The following METTL15 variants were observed in gnomAD, a reference collection of about 807,000 sequenced individuals.
METTL15 encodes 12S rRNA N(4)-cytidine methyltransferase METTL15.
In METTL15, 34 loss-of-function variants were observed where a neutral mutation model predicts 38.3. The ratio of observed to expected loss-of-function variants is 0.89; its 90% CI spans 0.68 to 1.18. The LOEUF (loss-of-function observed/expected upper bound fraction) is 1.18. METTL15 is among the 50% of genes most tolerant of loss of function. The pLI is 0.00. For missense variants in METTL15, 438 were observed against 498.4 expected (o/e 0.88, Z 1.15); for synonymous variants, 162 against 170.9 (o/e 0.95, Z 0.41).
At chr11:28,175,916 T>C (rs879764799) in intron 3 of METTL15, among the ~76,000 whole-genome samples, 4 of 151,928 alleles carry the variant, frequency 2.6e-5, no homozygotes, top group Non-Finnish European at 4.4e-5. Context: ...TGCAAATATA[T>C]ATATATATAT....
At chr11:28,493,054 G>C (rs575444274) in intron 6 of METTL15, among the ~76,000 whole-genome samples, 1 of 152,252 alleles carries the variant, frequency 6.6e-6, no homozygotes, top group South Asian at 2.1e-4. Context: ...AGAGGAATTT[G>C]TTTGAAAATC....
intron 6 of METTL15, among the ~76,000 whole-genome samples, chr11:28,498,043 G>T (rs984243329): frequency 1.5e-5 from 1 of 64,758 alleles, no homozygotes; most frequent in African/African-American, 6.3e-5. Flanking sequence ...AACAGAGAGA[G>T]ACTGTTTCAA....
chr11:28,503,493 A>G (rs1324338805), intron 6 of METTL15, among the ~76,000 whole-genome samples: 2 of 152,208 alleles, frequency 1.3e-5, no homozygotes, highest in African/African-American at 4.8e-5. Flanking sequence ...GCTAGCAGAT[A>G]GTAAAGATTC....
intron 4 of METTL15, among the ~76,000 whole-genome samples, chr11:28,280,021 C>T (rs1292504695): frequency 6.6e-6 from 1 of 151,526 alleles, no homozygotes; most frequent in African/African-American, 2.4e-5. Context: ...TAATTCTATT[C>T]TTTCCTTTTG....
chr11:28,190,508 A>G (rs1176297534), intron 3 of METTL15, among the ~76,000 whole-genome samples: 1 of 151,148 alleles, frequency 6.6e-6, no homozygotes, highest in Non-Finnish European at 1.5e-5. Flanking sequence ...TTATTTTAGA[A>G]TTATTTTAGA....
chr11:28,246,199 C>T (rs1590213849), intron 4 of METTL15, among the ~76,000 whole-genome samples: 1 of 151,778 alleles, frequency 6.6e-6, no homozygotes, highest in Admixed American at 6.6e-5. Context: ...TTTGAATGTT[C>T]CTAGCATAAA....
chr11:28,531,078 G>T (rs1043841404), downstream of METTL15, among the ~76,000 whole-genome samples: 3 of 151,778 alleles, frequency 2.0e-5, no homozygotes, highest in Non-Finnish European at 4.4e-5. Context: ...AACTGCATTT[G>T]TACTTTTCAT....
chr11:28,474,402 A>G (rs1851327987), intron 6 of METTL15, among the ~76,000 whole-genome samples: 1 of 152,136 alleles, frequency 6.6e-6, no homozygotes, highest in Admixed American at 6.5e-5. Context: ...TTGTTGAAAA[A>G]TATGAGCAAG....
At chr11:28,275,500 AT>A (rs1158803452) in intron 4 of METTL15, among the ~76,000 whole-genome samples, 1 of 151,982 alleles carries the variant, frequency 6.6e-6, no homozygotes, top group Admixed American at 6.6e-5. Context: ...GACTATATGG[AT>A]TCATAGCTGA....
At chr11:28,399,872 T>C (rs968690734) in intron 5 of METTL15, among the ~76,000 whole-genome samples, 1 of 151,940 alleles carries the variant, frequency 6.6e-6, no homozygotes, top group African/African-American at 2.4e-5. Flanking sequence ...TGGGTTAACA[T>C]AATCAGGGAG....
intron 6 of METTL15, among the ~76,000 whole-genome samples, chr11:28,499,585 G>A (rs1177456128): frequency 6.6e-6 from 1 of 152,084 alleles, no homozygotes; most frequent in Non-Finnish European, 1.5e-5. Context: ...TTGAAATTTG[G>A]TAACTCAATC....
At chr11:28,123,051 A>G (rs1852319416) in intron 3 of METTL15, among the ~76,000 whole-genome samples, 1 of 152,198 alleles carries the variant, frequency 6.6e-6, no homozygotes, top group African/African-American at 2.4e-5. Flanking sequence ...CAAATTTTAA[A>G]TTTGCTTAAG....
chr11:28,381,442 T>C (rs1437215967), intron 5 of METTL15, among the ~76,000 whole-genome samples: 1 of 152,200 alleles, frequency 6.6e-6, no homozygotes, highest in Non-Finnish European at 1.5e-5. Flanking sequence ...TTTGAATAAG[T>C]TTCTATTACT....
At chr11:28,309,961 A>T (rs762790933) in intron 6 of METTL15, among the ~76,000 whole-genome samples, 1 of 152,146 alleles carries the variant, frequency 6.6e-6, no homozygotes. Flanking sequence ...ACCCACGTCT[A>T]CTTTTTCCAC....
intron 5 of METTL15, among the ~76,000 whole-genome samples, chr11:28,381,577 A>G (rs922024495): frequency 6.6e-5 from 10 of 151,906 alleles, no homozygotes; most frequent in African/African-American, 9.7e-5. Context: ...TCCTCTGACT[A>G]TATTTTCATA....
chr11:28,464,476 G>A lies in METTL15; in HGVS notation c.*424+40112G>A, dbSNP rs566240324. 7.3e-4 allele frequency among the ~76,000 whole-genome samples: 111 copies of A among 152,276 alleles called. No homozygotes were observed. The Middle Eastern group carries it at 0.014, about 19-fold the overall frequency. Reference sequence around the variant, plus strand: ...CCAGTAAAATGTGATTTAGAAAAATGTATGGCAGGCTGAATTTGACCCAAG... The same window carrying A: ...CCAGTAAAATGTGATTTAGAAAAATATATGGCAGGCTGAATTTGACCCAAG... On this transcript the variant is annotated intron_variant and NMD_transcript_variant, in intron 6 of 7. Transcript: ENST00000532947.
intron 3 of METTL15, among the ~76,000 whole-genome samples, chr11:28,129,107 A>G (rs1852629912): frequency 6.6e-6 from 1 of 152,220 alleles, no homozygotes; most frequent in Non-Finnish European, 1.5e-5. Context: ...AGAAAGAAAC[A>G]TGTTCTAATA....
At chr11:28,156,661 A>G (rs1008585153) in intron 3 of METTL15, among the ~76,000 whole-genome samples, 3 of 152,196 alleles carry the variant, frequency 2.0e-5, no homozygotes, top group African/African-American at 7.2e-5. Context: ...GTACAAGGTT[A>G]ATTTTTTAAA....
At chr11:28,417,350 T>C (rs938902949) in intron 5 of METTL15, among the ~76,000 whole-genome samples, 10 of 152,228 alleles carry the variant, frequency 6.6e-5, no homozygotes, top group African/African-American at 1.9e-4. Flanking sequence ...TGGTAGTATT[T>C]GCTCCATATT....
Sources: gnomAD v4.1 joint callset for allele counts (sites outside exome capture counted in the v4.1 genomes callset) on GRCh38, gnomAD v4.1.1 for gene constraint, MANE v1.5 for transcripts, NCBI Gene and HGNC (gene_info 2026-07-23, HGNC 2026-07-21) for gene names.